TBC1D4: variants seen among roughly 807,000 people sequenced by gnomAD.
TBC1D4 encodes the protein TBC1 domain family member 4.
In TBC1D4, 121 loss-of-function variants were observed where a neutral mutation model predicts 142.5. That is an observed-to-expected ratio of 0.85 (90% CI 0.73 to 0.99). The LOEUF (loss-of-function observed/expected upper bound fraction) is 0.99. Among genes scored for constraint, TBC1D4 ranks in the 50% least tolerant of loss-of-function variants. The pLI is 0.00. For missense variants in TBC1D4, 1,475 were observed against 1,606.6 expected (o/e 0.92, Z 1.40); for synonymous variants, 630 against 628.2 (o/e 1.00, Z -0.04).
chr13:75,391,264 C>T (rs1186611645), intron 1 of TBC1D4, among the ~76,000 whole-genome samples: 1 of 151,858 alleles, frequency 6.6e-6, no homozygotes, highest in Admixed American at 6.6e-5. Flanking sequence ...CTTTTGACCC[C>T]ACTTCCTTTT....
chr13:75,364,676 C>G (rs536505326), intron 1 of TBC1D4, among the ~76,000 whole-genome samples: 4 of 152,354 alleles, frequency 2.6e-5, no homozygotes, highest in African/African-American at 9.6e-5. Flanking sequence ...TAAAATGATT[C>G]TAGTGGGCAA....
chr13:75,294,367 G>C (rs1875657371), intron 18 of TBC1D4, among the ~76,000 whole-genome samples: 1 of 152,190 alleles, frequency 6.6e-6, no homozygotes, highest in Non-Finnish European at 1.5e-5. Context: ...AGAGTCACAT[G>C]AGCAATGAAA....
At chr13:75,371,584 A>C (rs1883225686) in intron 1 of TBC1D4, among the ~76,000 whole-genome samples, 1 of 152,212 alleles carries the variant, frequency 6.6e-6, no homozygotes. Context: ...ATCAACATAA[A>C]ATTTAATTCT....
chr13:75,372,800 T>C (rs1382614600), intron 1 of TBC1D4, among the ~76,000 whole-genome samples: 1 of 152,172 alleles, frequency 6.6e-6, no homozygotes, highest in Non-Finnish European at 1.5e-5. Flanking sequence ...ATTAGACAAG[T>C]TTGGCAATAA....
At chr13:75,352,886 A>T (rs3783030) in intron 4 of TBC1D4, among the ~76,000 whole-genome samples, 1 of 152,206 alleles carries the variant, frequency 6.6e-6, no homozygotes, top group South Asian at 2.1e-4. Flanking sequence ...TAGACTGATA[A>T]TATTTAATTG....
At chr13:75,351,635 G>A (rs1881609473) in intron 4 of TBC1D4, among the ~76,000 whole-genome samples, 1 of 134,962 alleles carries the variant, frequency 7.4e-6, no homozygotes, top group Non-Finnish European at 1.5e-5. Context: ...TGTTCTCATT[G>A]TTCAATTCCC....
intron 10 of TBC1D4, among the ~76,000 whole-genome samples, chr13:75,324,788 C>A (rs1879088352): frequency 6.6e-6 from 1 of 152,156 alleles, no homozygotes; most frequent in African/African-American, 2.4e-5. Context: ...ATCACTAGTT[C>A]AAAGACTTTG....
At chr13:75,327,484 C>T (rs1411144010) in intron 9 of TBC1D4, among the ~76,000 whole-genome samples, 1 of 152,128 alleles carries the variant, frequency 6.6e-6, no homozygotes, top group Non-Finnish European at 1.5e-5. Context: ...TTTTATAAGG[C>T]ATTGGATCAA....
intron 1 of TBC1D4, among the ~76,000 whole-genome samples, chr13:75,411,380 A>G (rs1885651995): frequency 1.3e-5 from 2 of 152,208 alleles, no homozygotes. Context: ...TCAAACCCAC[A>G]AACATTTGGA....
Position 75,362,661 on chromosome 13 carries a change from C to T in TBC1D4, c.499-54G>A. The T allele has an allele frequency of 3.8e-6, 6 of 1,588,516 alleles. No individual in the cohort carries two copies. In the Admixed American group the frequency reaches 6.7e-5, roughly 18 times the overall value. On this transcript the variant is annotated intron_variant, in intron 1 of 20. Coordinates refer to ENST00000377636, the MANE Select transcript of TBC1D4 (RefSeq NM_014832.5). The surrounding 1 kb of genome is among the most constrained non-coding windows in gnomAD (Gnocchi z 4.2). The stretch of plus-strand genomic sequence containing the variant: ...TAGTTGAAAGTTTTGAGACAATTTA[C>T]ATTTACCTAGCCCAATTATTACCAC...
At chr13:75,305,233 T>G (rs1653028424) in intron 15 of TBC1D4, among the ~76,000 whole-genome samples, 1 of 152,176 alleles carries the variant, frequency 6.6e-6, no homozygotes, top group South Asian at 2.1e-4. Flanking sequence ...GAACTGTGAG[T>G]CCATAAAACC....
In TBC1D4 at chr13:75,317,096, T is replaced by G. The variant is rs188583353; in HGVS notation, c.2222+2918A>C. Among the ~76,000 whole-genome samples the G allele has an allele frequency of 1.3e-3, 202 of 152,304 alleles. 1 individual carries two copies. The Middle Eastern group carries it at 0.02, about 15-fold the overall frequency. ...TGAAGTAGAAAGAGGCTAAGTAACT[T>G]GCCCACAGTCACACGGATAATAAAG... On this transcript the variant is annotated intron_variant, in intron 12 of 20. Transcript: ENST00000377636.
At chr13:75,476,248 A>C (rs1368555963) in intron 1 of TBC1D4, among the ~76,000 whole-genome samples, 2 of 152,192 alleles carry the variant, frequency 1.3e-5, no homozygotes, top group African/African-American at 4.8e-5. Context: ...ACCTCAAAAA[A>C]ATAAACAACA....
At position 75,284,038 on chromosome 13, in the gene TBC1D4, T is replaced by C. The variant is rs921638544; in HGVS notation, c.*2754A>G. Among the ~76,000 whole-genome samples the C allele has an allele frequency of 2.0e-5, 3 of 152,088 alleles. No homozygotes were observed. Among genetic ancestry groups the C allele is most frequent in the African/African-American group, 7.2e-5 (3 of 41,398 alleles). On this transcript the variant is annotated 3_prime_UTR_variant, in exon 21 of 21. Transcript: ENST00000377636. ...CTCCAGCCTCCTATAAGTAGCAATA[T>C]ATGCCTCTCCTACTCTCCTGAGTAG... is the stretch of plus-strand genomic sequence containing the variant.
intron 1 of TBC1D4, among the ~76,000 whole-genome samples, chr13:75,476,644 G>C (rs1888641246): frequency 6.6e-6 from 1 of 152,162 alleles, no homozygotes; most frequent in African/African-American, 2.4e-5. Flanking sequence ...AAATATTCCA[G>C]AGTCAAATAT....
chr13:75,372,999 T>C (rs1415689918), intron 1 of TBC1D4, among the ~76,000 whole-genome samples: 1 of 152,216 alleles, frequency 6.6e-6, no homozygotes, highest in African/African-American at 2.4e-5. Context: ...TAAAACTGAA[T>C]ATTTAATAGG....
chr13:75,319,033 TACCTA>T (rs1446698385), intron 12 of TBC1D4, among the ~76,000 whole-genome samples: 1 of 152,164 alleles, frequency 6.6e-6, no homozygotes, highest in East Asian at 1.9e-4. Flanking sequence ...GCTAATTCCA[TACCTA>T]AAAGGACACA....
At chr13:75,315,365 TATATAC>T (rs1368805834) in intron 12 of TBC1D4, among the ~76,000 whole-genome samples, 3 of 146,792 alleles carry the variant, frequency 2.0e-5, no homozygotes, top group African/African-American at 7.6e-5. Flanking sequence ...TATATATATA[TATATAC>T]ACACACACAC....
chr13:75,321,412 A>C (rs1878769778), intron 11 of TBC1D4, among the ~76,000 whole-genome samples: 1 of 150,424 alleles, frequency 6.6e-6, no homozygotes. Flanking sequence ...AATGGCTTAG[A>C]ATGAGGAAAT....
Sources: allele counts gnomAD v4.1 joint callset (sites outside exome capture counted in the v4.1 genomes callset), GRCh38; gene constraint gnomAD v4.1.1; non-coding constraint Gnocchi (gnomAD v3.1); transcripts MANE v1.5; gene names NCBI Gene and HGNC (gene_info 2026-07-23, HGNC 2026-07-21).